Variants in RUFY2 observed in about 807,000 individuals in gnomAD.
The protein encoded by RUFY2 is RUN and FYVE domain-containing protein 2.
A neutral mutation model predicts 94.4 loss-of-function variants in RUFY2; 49 were observed. The ratio of observed to expected loss-of-function variants is 0.52; its 90% CI spans 0.41 to 0.66. RUFY2 has a LOEUF of 0.66. RUFY2 is among the 30% of genes least tolerant of loss of function. RUFY2 has a pLI of 0.00. For synonymous variants in RUFY2, 255 were observed against 235.7 expected, an observed-to-expected ratio of 1.08 and a Z score of -0.75; for missense variants, 541 against 692.8, an observed-to-expected ratio of 0.78 and a Z score of 2.46.
chr10:68,378,919 A>G (rs1042834460), intron 12 of RUFY2, among the ~76,000 whole-genome samples: 3 of 152,216 alleles, frequency 2.0e-5, no homozygotes, highest in Non-Finnish European at 4.4e-5. Flanking sequence ...TCCAACAATA[A>G]AAGTGAAAAA....
intron 13 of RUFY2, among the ~76,000 whole-genome samples, chr10:68,365,917 C>G (rs1175926720): frequency 1.3e-5 from 2 of 152,006 alleles, no homozygotes; most frequent in African/African-American, 2.4e-5. Context: ...ATGGCCTCAT[C>G]ATCCAGAATC....
At position 68,394,063 on chromosome 10, in the gene RUFY2, T is replaced by C. The variant is rs373197644; in HGVS notation, c.584+12A>G. On this transcript the variant is annotated intron_variant, in intron 6 of 17. Transcript: ENST00000602465. ...AAAACCCAATATGTGAAATAACTTA[T>C]GAAAATCATACCTTTCTTTATTTCC... 9.3e-5 allele frequency: 140 copies of C among 1,500,770 alleles called. No individual in the cohort carries two copies. The highest frequency in any genetic ancestry group is 1.2e-4 in the Non-Finnish European group (130 of 1,116,782). 93.0% of individuals were successfully genotyped at this position (1,500,770 alleles called of 1,614,324 possible).
downstream of RUFY2, chr10:68,343,059 C>T (rs1012664676): frequency 3.9e-5 from 6 of 152,070 alleles, no homozygotes; most frequent in African/African-American, 1.4e-4. Context: ...AATTTTAATC[C>T]CTTTGATCAA....
intron 1 of RUFY2, chr10:68,405,427 AT>A (rs2051214072): frequency 1.0e-6 from 1 of 960,282 alleles, no homozygotes; most frequent in African/African-American, 1.8e-5. Flanking sequence ...ATTCTCCTGT[AT>A]TTAACTTTCC....
At chr10:68,370,180 G>A (rs1466263315) in intron 13 of RUFY2, among the ~76,000 whole-genome samples, 1 of 152,078 alleles carries the variant, frequency 6.6e-6, no homozygotes, top group Non-Finnish European at 1.5e-5. Context: ...AGCTACTAAA[G>A]AGGCTGAGGC....
intron 15 of RUFY2, among the ~76,000 whole-genome samples, chr10:68,362,475 CA>C (rs1389540785): frequency 6.6e-6 from 1 of 152,036 alleles, no homozygotes; most frequent in African/African-American, 2.4e-5. Flanking sequence ...GCTGCTACCC[CA>C]AAACACAGAC....
intron 12 of RUFY2, chr10:68,378,174 G>A: frequency 2.0e-6 from 2 of 989,360 alleles, no homozygotes; most frequent in Non-Finnish European, 2.4e-6. Flanking sequence ...ATCTGTAAGG[G>A]AGCCATTGGG....
At chr10:68,380,900 T>C (rs1331646055) in intron 11 of RUFY2, among the ~76,000 whole-genome samples, 1 of 152,072 alleles carries the variant, frequency 6.6e-6, no homozygotes, top group Non-Finnish European at 1.5e-5. Context: ...ATTTTGATAG[T>C]GTAGCATTTC....
chr10:68,377,823 C>T (rs559480217), intron 12 of RUFY2: 32 of 985,258 alleles, frequency 3.2e-5, no homozygotes, highest in South Asian at 4.7e-5. Context: ...AGAGAAATTT[C>T]GGTTCAACTA....
At chr10:68,341,820 A>T, downstream of RUFY2, 1 of 1,611,484 alleles carries the variant, frequency 6.2e-7, no homozygotes, top group Non-Finnish European at 8.5e-7. Flanking sequence ...ACAGTGGAGG[A>T]TATGGTACTC....
intron 13 of RUFY2, among the ~76,000 whole-genome samples, chr10:68,364,973 A>G (rs1431236314): frequency 6.6e-6 from 1 of 152,112 alleles, no homozygotes; most frequent in Non-Finnish European, 1.5e-5. Context: ...ATAAGCAGGT[A>G]TAACAAGTGA....
At chr10:68,402,991 A>G (rs944522478) in intron 2 of RUFY2, among the ~76,000 whole-genome samples, 4 of 150,060 alleles carry the variant, frequency 2.7e-5, no homozygotes, top group Middle Eastern at 3.3e-3. Flanking sequence ...GACTACAGGC[A>G]TGCAGCACCA....
Position 68,382,105 on chromosome 10 carries a change from G to A in RUFY2, c.940-706C>T, listed in dbSNP as rs924366536. On this transcript the variant is annotated intron_variant, in intron 10 of 17. Transcript: ENST00000602465. The stretch of plus-strand genomic sequence containing the variant: ...GCTCTGTTGCCCAGGCTGGAGTGCA[G>A]TGGCACCATCTTGGCCCACTGCAAG... 1.9e-4 allele frequency among the ~76,000 whole-genome samples: 29 copies of A among 149,948 alleles called. 1 individual carries two copies. The highest frequency in any genetic ancestry group is 6.6e-4 in the African/African-American group (27 of 40,722).
chr10:68,352,016 C>T (rs181574057), intron 16 of RUFY2, among the ~76,000 whole-genome samples: 4 of 149,490 alleles, frequency 2.7e-5, no homozygotes, highest in Admixed American at 2.7e-4. Context: ...GAGATCATGC[C>T]ATTGTACTCC....
chr10:68,375,860 G>A (rs1293572958), intron 13 of RUFY2, among the ~76,000 whole-genome samples: 1 of 152,040 alleles, frequency 6.6e-6, no homozygotes, highest in Non-Finnish European at 1.5e-5. Context: ...CACTCTGGGA[G>A]GCCAAGGCAG....
intron 15 of RUFY2, among the ~76,000 whole-genome samples, chr10:68,359,976 C>T (rs2047347661): frequency 6.6e-6 from 1 of 152,250 alleles, no homozygotes; most frequent in East Asian, 1.9e-4. Context: ...CAGGCACATG[C>T]CACCACACCC....
intron 13 of RUFY2, among the ~76,000 whole-genome samples, chr10:68,372,583 T>TA (rs770098226): frequency 0.047 from 4,563 of 96,274 alleles, 263 homozygotes; most frequent in African/African-American, 0.14. Flanking sequence ...CCTCTCTCTT[T>TA]AAAAAAAAAA....
chr10:68,378,339 C>G lies in RUFY2; in HGVS notation c.1205+1085G>C, dbSNP rs1370088275. The G allele has an allele frequency of 4.1e-6, 5 of 1,211,558 alleles. No individual in the cohort carries two copies. In the African/African-American group the frequency reaches 6.3e-5, roughly 15 times the overall value. 75.1% of individuals were successfully genotyped at this position (1,211,558 alleles called of 1,614,324 possible). ...TCCTGACCTCCAAAGGGTCAATACTCAAATCACCCTTTGTGCACAAGGTTT... is the reference window on the plus strand; with the variant it reads ...TCCTGACCTCCAAAGGGTCAATACTGAAATCACCCTTTGTGCACAAGGTTT... On this transcript the variant is annotated intron_variant, in intron 12 of 17. Transcript: ENST00000602465.
In RUFY2 at chr10:68,406,725, G is replaced by GC. The variant is rs528606314; in HGVS notation, c.4+460dup. 1,797 of 1,580,724 alleles carry GC rather than the reference G, an allele frequency of 1.1e-3. 30 individuals carry two copies. In the African/African-American group the frequency reaches 0.022, roughly 19 times the overall value. Reference sequence around the variant, plus strand: ...AGCAAGGCTGCCCAGAGGCCTGGGGGCCCCCCAGGACCATCGCGGCGGGCT... The same window carrying GC: ...AGCAAGGCTGCCCAGAGGCCTGGGGGCCCCCCCAGGACCATCGCGGCGGGCT... On this transcript the variant is annotated intron_variant, in intron 1 of 17. Transcript: ENST00000602465.
Sources: gnomAD v4.1 joint callset for allele counts (sites outside exome capture counted in the v4.1 genomes callset) on GRCh38, gnomAD v4.1.1 for gene constraint, MANE v1.5 for transcripts, NCBI Gene and HGNC (gene_info 2026-07-23, HGNC 2026-07-21) for gene names.